CCNF: variants seen among roughly 807,000 people sequenced by gnomAD.
CCNF encodes cyclin F, also known as cyclin-F.
CCNF carries 30 observed loss-of-function variants against 85.4 expected under a neutral mutation model. That is an observed-to-expected ratio of 0.35 (90% CI 0.26 to 0.48). CCNF has a LOEUF of 0.48. Ranked by LOEUF, CCNF falls within the 20% of genes least tolerant of loss-of-function variation. The pLI, the probability that CCNF is intolerant of heterozygous loss-of-function variation, is 0.99. For synonymous variants in CCNF, 439 were observed against 425.1 expected (o/e 1.03, Z -0.40); for missense variants, 919 against 1,010.4 (o/e 0.91, Z 1.23).
In CCNF at chr16:2,456,842, T is replaced by C; in HGVS notation, c.2183T>C (p.Leu728Pro). The change falls in exon 17 of 17, where the codon CTG (leucine) becomes CCG (proline). Residue 728 changes from leucine (L) to proline (P), a missense_variant. This residue lies in a region of CCNF where 505 missense variants were observed against 514.8 expected (regional missense o/e 0.98). Transcript: ENST00000397066. This position sits in a 1 kb window ranked among gnomAD's most constrained non-coding sequence, Gnocchi z 4.5. ...LGALPQPTSV[L>P]SLDSDSHTQP... ...GCCCTGCCCCAACCTACCTCAGTGCTGTCCCTGGACAGTGACTCGCACACA... is the reference window on the plus strand; with the variant it reads ...GCCCTGCCCCAACCTACCTCAGTGCCGTCCCTGGACAGTGACTCGCACACA... 3 of 1,614,056 alleles carry C rather than the reference T, an allele frequency of 1.9e-6. No individual in the cohort carries two copies. The highest frequency in any genetic ancestry group is 2.5e-6 in the Non-Finnish European group (3 of 1,180,032).
chr16:2,453,036 TAGAG>T lies in CCNF; in HGVS notation c.1488-171_1488-168del, dbSNP rs891427879. ...TTTTCCTTTTTCCTGGGTCTTTACCTAGAGAGGAATTGCTAGGTCCTGTGGTGAC... is the reference window on the plus strand; with the variant it reads ...TTTTCCTTTTTCCTGGGTCTTTACCTAGGAATTGCTAGGTCCTGTGGTGAC... On this transcript the variant is annotated intron_variant, in intron 13 of 16. Coordinates refer to ENST00000397066, the MANE Select transcript of CCNF (RefSeq NM_001761.3). This position sits in a 1 kb window ranked among gnomAD's most constrained non-coding sequence, Gnocchi z 5.6. The T allele has an allele frequency of 8.0e-6, 5 of 623,650 alleles. No homozygotes were observed. The highest frequency in any genetic ancestry group is 1.4e-5 in the Non-Finnish European group (5 of 347,058). The allele number at this position is 623,650 out of a possible 1,614,324, so 38.6% of individuals were successfully genotyped here. A position where few individuals can be genotyped will look rare whatever the true frequency, so the allele number is the denominator to read the frequency against.
rs1210309459 is a variant in CCNF, at chr16:2,441,990, TTTTTG to T, written c.778-1629_778-1625del. Among the ~76,000 whole-genome samples the T allele has an allele frequency of 5.2e-3, 694 of 132,568 alleles. 20 individuals are homozygous for T. The highest frequency in any genetic ancestry group is 0.017 in the African/African-American group (575 of 34,768). 87.0% of individuals were successfully genotyped at this position (132,568 alleles called of 152,430 possible). On this transcript the variant is annotated intron_variant, in intron 8 of 16. Coordinates refer to ENST00000397066, the MANE Select transcript of CCNF (RefSeq NM_001761.3). ...ATATATATATATATATATGTTTTTG[TTTTTG>T]TTTTGTTTTGTTTTGTTTTGTTTTG...
At chr16:2,437,514 A>C (rs2065297957) in intron 5 of CCNF, 192 bp downstream of exon 5, 1 of 544,882 alleles carries the variant, frequency 1.8e-6, no homozygotes, top group Non-Finnish European at 3.2e-6. Context: ...CCTGAGAGCC[A>C]GGGTGGGCTG....
intron 8 of CCNF, among the ~76,000 whole-genome samples, chr16:2,440,297 T>C (rs889058206): frequency 3.9e-5 from 6 of 152,052 alleles, no homozygotes; most frequent in African/African-American, 1.2e-4. Flanking sequence ...AAATCAAGCA[T>C]TGGTAGACTC....
intron 1 of CCNF, among the ~76,000 whole-genome samples, chr16:2,430,517 C>T (rs1273552102): frequency 6.6e-6 from 1 of 152,074 alleles, no homozygotes; most frequent in African/African-American, 2.4e-5. Flanking sequence ...GTGTTGGGAC[C>T]TGAGCAACAA....
chr16:2,446,206 G>A (rs1311818710), intron 10 of CCNF, among the ~76,000 whole-genome samples: 1 of 152,238 alleles, frequency 6.6e-6, no homozygotes, highest in Non-Finnish European at 1.5e-5. Flanking sequence ...GACCCAAAGT[G>A]TGGCCTCGCT....
intron 15 of CCNF, among the ~76,000 whole-genome samples, chr16:2,455,082 A>T (rs964960229): frequency 6.7e-6 from 1 of 150,246 alleles, no homozygotes; most frequent in Non-Finnish European, 1.5e-5. Flanking sequence ...AAAAAAAAAA[A>T]CACTGGAAGG....
chr16:2,450,336 TAAAAAAAAA>T (rs869044588), intron 13 of CCNF, among the ~76,000 whole-genome samples: 18 of 65,942 alleles, frequency 2.7e-4, no homozygotes, highest in African/African-American at 1.1e-3. Context: ...CTGTCTCTAC[TAAAAAAAAA>T]AAAAAAAAAA....
chr16:2,457,207 G>T lies in CCNF; in HGVS notation c.*187G>T, dbSNP rs1337596521. ...GCAAGCCATCAGAATGTTGAAATGA[G>T]GGTGAAGAGCTCAGATCCCTCTCTT... On this transcript the variant is annotated 3_prime_UTR_variant, in exon 17 of 17. Transcript: ENST00000397066. 7.2e-6 allele frequency: 4 copies of T among 556,204 alleles called. No individual in the cohort carries two copies. In the East Asian group the frequency reaches 1.2e-4, roughly 17 times the overall value. 34.5% of individuals were successfully genotyped at this position (556,204 alleles called of 1,614,324 possible).
At chr16:2,447,840 G>A (rs959496571) in intron 10 of CCNF, among the ~76,000 whole-genome samples, 3 of 152,004 alleles carry the variant, frequency 2.0e-5, no homozygotes, top group Non-Finnish European at 2.9e-5. Flanking sequence ...CACACCCCAC[G>A]CTGGGCTCTC....
At position 2,457,869 on chromosome 16, in the gene CCNF, G is replaced by A. The variant is rs958111564; in HGVS notation, c.*849G>A. 5 of 152,178 alleles carry A rather than the reference G, an allele frequency of 3.3e-5. No homozygotes were observed. The highest frequency in any genetic ancestry group is 1.2e-4 in the African/African-American group (5 of 41,444). 9.4% of individuals were successfully genotyped at this position (152,178 alleles called of 1,614,324 possible). On this transcript the variant is annotated 3_prime_UTR_variant, in exon 17 of 17. Transcript: ENST00000397066. The stretch of plus-strand genomic sequence containing the variant: ...TACTCCAGCCCCTCAATGCCATCCT[G>A]ACACACTTTATGCAAAAAGAATTTT...
chr16:2,437,991 C>A, intron 5 of CCNF, 79 bp from the exon 6 acceptor site: 1 of 962,268 alleles, frequency 1.0e-6, no homozygotes. Flanking sequence ...GGCATGGGAC[C>A]CAAAGACAGA....
intron 3 of CCNF, among the ~76,000 whole-genome samples, chr16:2,435,159 G>T (rs556367468): frequency 6.6e-6 from 1 of 150,882 alleles, no homozygotes; most frequent in Admixed American, 6.6e-5. Context: ...GCTGAGGCAG[G>T]AGAATGGTGT....
chr16:2,455,657 G>T (rs777932158), intron 16 of CCNF, 93 bp downstream of exon 16: 53 of 1,459,466 alleles, frequency 3.6e-5, no homozygotes, highest in Non-Finnish European at 4.8e-5. Flanking sequence ...TGCGAGCGCT[G>T]TGGGAGGAAG....
chr16:2,439,935 C>T (rs1192910417), intron 8 of CCNF, 109 bp downstream of exon 8: 4 of 884,654 alleles, frequency 4.5e-6, no homozygotes, highest in Non-Finnish European at 7.3e-6. Flanking sequence ...TGGGCTCCCA[C>T]ATGGGAGGCC....
intron 9 of CCNF, 39 bp downstream of exon 9, chr16:2,443,839 C>G: frequency 6.3e-7 from 1 of 1,591,398 alleles, no homozygotes; most frequent in South Asian, 1.1e-5. Flanking sequence ...CAGAGCGGCG[C>G]GGAAGCCAGC....
intron 8 of CCNF, among the ~76,000 whole-genome samples, chr16:2,441,981 A>ATG (rs1555497458): frequency 3.0e-4 from 30 of 98,776 alleles, no homozygotes; most frequent in South Asian, 2.3e-3. Context: ...ATATATATAT[A>ATG]TGTTTTTGTT....
At chr16:2,443,614 C>G (rs2065344442) in intron 8 of CCNF, 35 bp from the exon 9 acceptor site, 2 of 1,598,686 alleles carry the variant, frequency 1.3e-6, no homozygotes, top group East Asian at 4.5e-5. Context: ...AACATGGCTG[C>G]TGTCTCACGC....
intron 8 of CCNF, 80 bp from the exon 9 acceptor site, chr16:2,443,569 C>G (rs899872820): frequency 6.8e-7 from 1 of 1,466,188 alleles, no homozygotes; most frequent in Non-Finnish European, 9.4e-7. Context: ...CATTTGGTGC[C>G]TGAATGGGCC....
Sources: allele counts gnomAD v4.1 joint callset (sites outside exome capture counted in the v4.1 genomes callset), GRCh38; gene constraint gnomAD v4.1.1; regional missense constraint gnomAD v4.1.1; non-coding constraint Gnocchi (gnomAD v3.1); transcripts MANE v1.5; gene names NCBI Gene and HGNC (gene_info 2026-07-23, HGNC 2026-07-21).